CDKL5: variants seen among roughly 807,000 people sequenced by gnomAD.
The protein encoded by CDKL5 is cyclin dependent kinase like 5.
A neutral mutation model predicts 61.7 loss-of-function variants in CDKL5; 8 were observed. The ratio of observed to expected loss-of-function variants is 0.13; its 90% CI spans 0.08 to 0.23. CDKL5 has a LOEUF of 0.23. Among genes scored for constraint, CDKL5 ranks in the 10% least tolerant of loss-of-function variants. The pLI is 1.00. For missense variants in CDKL5, 440 were observed against 734.5 expected (o/e 0.60, Z 4.63); for synonymous variants, 275 against 272.3 (o/e 1.01, Z -0.10).
At position 18,504,343 on chromosome X, in the gene CDKL5, C is replaced by T. The variant is rs995049360; in HGVS notation, c.-162-2592C>T. Among the ~76,000 whole-genome samples the T allele has an allele frequency of 3.6e-5, 4 of 111,159 alleles. No individual in the cohort carries two copies. The East Asian group carries it at 1.1e-3, about 31-fold the overall frequency. On this transcript the variant is annotated intron_variant, in intron 1 of 17. Transcript: ENST00000623535. ...CTGGTCTCTAATTCCTGGGCTCAAG[C>T]GATCCTTCTGCCTTGGCTTCCTAAA...
chrX:18,622,003 G>A (rs1343959347), intron 16 of CDKL5, among the ~76,000 whole-genome samples: 1 of 111,628 alleles, frequency 9.0e-6, no homozygotes, highest in Non-Finnish European at 1.9e-5. Flanking sequence ...GCATTGTGGG[G>A]TGATTAAGTG....
chrX:18,584,152 C>G (rs1405803524), intron 7 of CDKL5, 111 bp from the exon 8 acceptor site: 1 of 564,108 alleles, frequency 1.8e-6, no homozygotes, highest in Non-Finnish European at 3.2e-6. Context: ...CGAGAACAGT[C>G]ATTACATTCT....
At chrX:18,651,311 G>A (rs889735146) in intron 21 of CDKL5, among the ~76,000 whole-genome samples, 4 of 109,512 alleles carry the variant, frequency 3.7e-5, no homozygotes, top group Admixed American at 3.0e-4. Context: ...GAGAGAGACA[G>A]AGAGGGATGT....
intron 1 of CDKL5, among the ~76,000 whole-genome samples, chrX:18,465,555 G>A (rs1037113150): frequency 9.0e-6 from 1 of 111,102 alleles, no homozygotes; most frequent in African/African-American, 3.3e-5. Context: ...TGTAATCCCA[G>A]CTACTCGGGA....
At position 18,651,843 on chromosome X, in the gene CDKL5, T is replaced by A. The variant is rs188728558; in HGVS notation, c.2980+1251T>A. On this transcript the variant is annotated intron_variant, in intron 21 of 21. Coordinates refer to the CDKL5 transcript ENST00000379989. ...TCTCTTATTGTGATTTTTCCTGACT[T>A]CTTCTTCCCCTTTCCTCTTCCTTCT... Among the ~76,000 whole-genome samples, 13 of 111,166 alleles carry A rather than the reference T, an allele frequency of 1.2e-4. No homozygotes were observed. The East Asian group carries it at 3.4e-3, about 29-fold the overall frequency.
In CDKL5 at chrX:18,604,790, C is replaced by T. The variant is rs1926304763; in HGVS notation, c.1866C>T (p.Ala622=). The change falls in exon 12 of 18, where the codon GCC becomes GCT. Residue 622 remains alanine (A), a synonymous_variant. Coordinates refer to ENST00000623535, the MANE Select transcript of CDKL5 (RefSeq NM_001323289.2). ...ATGTGACCCGTGACAAAGTGAGAGCCAAGGGCTTGGATGGAAGCTTGAGCA... is the reference window on the plus strand; with the variant it reads ...ATGTGACCCGTGACAAAGTGAGAGCTAAGGGCTTGGATGGAAGCTTGAGCA... ...SMYVTRDKVR[A]KGLDGSLSIG... is the part of the protein sequence containing the mutation. 2 of 1,211,479 alleles carry T rather than the reference C, an allele frequency of 1.7e-6. No homozygotes were observed. Among genetic ancestry groups the T allele is most frequent in the African/African-American group, 3.5e-5 (2 of 57,723 alleles).
intron 15 of CDKL5, among the ~76,000 whole-genome samples, chrX:18,617,839 T>C (rs1332350311): frequency 8.9e-6 from 1 of 111,905 alleles, no homozygotes; most frequent in African/African-American, 3.3e-5. Context: ...ATCATTCCTC[T>C]ATCCCCACCT....
intron 7 of CDKL5, among the ~76,000 whole-genome samples, chrX:18,582,961 A>G (rs950525661): frequency 2.7e-5 from 3 of 111,978 alleles, no homozygotes; most frequent in Admixed American, 9.5e-5. Context: ...GATATGTAAA[A>G]GAGTCTGTGT....
chrX:18,547,006 A>C (rs946735424), intron 3 of CDKL5, among the ~76,000 whole-genome samples: 2 of 112,081 alleles, frequency 1.8e-5, no homozygotes, highest in Non-Finnish European at 3.8e-5. Flanking sequence ...GTACTGCACC[A>C]GTACTCTATT....
chrX:18,587,973 G>A lies in CDKL5; in HGVS notation c.574G>A (p.Val192Met), dbSNP rs998686458. 2 of 1,210,385 alleles carry A rather than the reference G, an allele frequency of 1.7e-6. No homozygotes were observed. The highest frequency in any genetic ancestry group is 1.1e-6 in the Non-Finnish European group (1 of 894,397). The change falls in exon 9 of 18, where the codon GTG (valine) becomes ATG (methionine). Residue 192 changes from valine (V) to methionine (M), a missense_variant. Coordinates refer to ENST00000623535, the MANE Select transcript of CDKL5 (RefSeq NM_001323289.2). The part of the protein sequence containing the change: ...LLLGAPYGKS[V>M]DMWSVGCILG... ...TTTCAGCGCTCCCTATGGAAAGTCC[G>A]TGGACATGTGGTCGGTGGGCTGTAT...
In CDKL5 at chrX:18,631,252, C is replaced by A; in HGVS notation, c.*2495C>A. On this transcript the variant is annotated 3_prime_UTR_variant, in exon 18 of 18. Coordinates refer to ENST00000623535, the MANE Select transcript of CDKL5 (RefSeq NM_001323289.2). Reference sequence around the variant, plus strand: ...TCAATACGTACTTTTTGTACTTTCCCAGATTTGAGCCAGAAAATACCTACA... The same window carrying A: ...TCAATACGTACTTTTTGTACTTTCCAAGATTTGAGCCAGAAAATACCTACA... The A allele has an allele frequency of 1.3e-6, 1 of 753,873 alleles. No homozygotes were observed. The highest frequency in any genetic ancestry group is 1.6e-6 in the Non-Finnish European group (1 of 638,932). 62.1% of individuals were successfully genotyped at this position (753,873 alleles called of 1,213,427 possible). A position where few individuals can be genotyped will look rare whatever the true frequency, so the allele number is the denominator to read the frequency against.
Position 18,506,981 on chromosome X carries a change from C to T in CDKL5, c.-116C>T, listed in dbSNP as rs1033311189. The T allele has an allele frequency of 1.8e-6, 1 of 552,033 alleles. No homozygotes were observed. The highest frequency in any genetic ancestry group is 2.3e-5 in the African/African-American group (1 of 43,918). The allele number at this position is 552,033 out of a possible 1,213,427, so 45.5% of individuals were successfully genotyped here. ...ATTAGAACAAATATGTGAAAGTTCC[C>T]ACCAACCAGTGAGAATTTCTTCCTT... is the stretch of plus-strand genomic sequence containing the variant. On this transcript the variant is annotated 5_prime_UTR_variant, in exon 2 of 18. Transcript: ENST00000623535.
chrX:18,428,917 A>G (rs1220783609), intron 1 of CDKL5, among the ~76,000 whole-genome samples: 4 of 111,668 alleles, frequency 3.6e-5, no homozygotes, highest in East Asian at 5.6e-4. Flanking sequence ...TTTGCTTTCA[A>G]TCTCAAGCCC....
chrX:18,534,804 T>C (rs1923763818), intron 3 of CDKL5, among the ~76,000 whole-genome samples: 2 of 112,180 alleles, frequency 1.8e-5, no homozygotes, highest in Admixed American at 9.5e-5. Context: ...TGCCCTATTA[T>C]AGGTATATGT....
intron 15 of CDKL5, among the ~76,000 whole-genome samples, chrX:18,614,879 G>A (rs1602292926): frequency 8.9e-6 from 1 of 112,384 alleles, no homozygotes; most frequent in African/African-American, 3.2e-5. Context: ...ATGAAGTGGT[G>A]ATGATTTAAA....
chrX:18,556,799 C>T (rs1477935479), intron 3 of CDKL5, among the ~76,000 whole-genome samples: 3 of 95,304 alleles, frequency 3.1e-5, no homozygotes, highest in African/African-American at 1.2e-4. Context: ...AGGAGAATCG[C>T]TTGAATCTGG....
intron 12 of CDKL5, among the ~76,000 whole-genome samples, chrX:18,606,801 T>A (rs1422953193): frequency 8.9e-6 from 1 of 112,368 alleles, no homozygotes; most frequent in Non-Finnish European, 1.9e-5. Flanking sequence ...GAGTGGCTTT[T>A]GCAATAATTC....
intron 1 of CDKL5, chrX:18,457,347 A>G (rs780713609): frequency 1.8e-5 from 2 of 112,123 alleles, no homozygotes; most frequent in African/African-American, 6.5e-5. Flanking sequence ...GAATACAAAT[A>G]TAACAGATCC....
At position 18,547,588 on chromosome X, in the gene CDKL5, T is replaced by C. The variant is rs564161953; in HGVS notation, c.100-16889T>C. Reference sequence around the variant, plus strand: ...CTTGAAACATTGAATTGCTTGAGACTTACGTGCCACTCTTGTTTCAAGACA... The same window carrying C: ...CTTGAAACATTGAATTGCTTGAGACCTACGTGCCACTCTTGTTTCAAGACA... On this transcript the variant is annotated intron_variant, in intron 3 of 17. Transcript: ENST00000623535. 2.1e-3 allele frequency among the ~76,000 whole-genome samples: 237 copies of C among 112,030 alleles called. 1 individual carries two copies. The highest frequency in any genetic ancestry group is 8.1e-3 in the Admixed American group (86 of 10,562).
Sources: gnomAD v4.1 joint callset for allele counts (sites outside exome capture counted in the v4.1 genomes callset) on GRCh38, gnomAD v4.1.1 for gene constraint, MANE v1.5 for transcripts, NCBI Gene and HGNC (gene_info 2026-07-23, HGNC 2026-07-21) for gene names.